AGAP1: variants seen among roughly 807,000 people sequenced by gnomAD.
The protein encoded by AGAP1 is ArfGAP with GTPase domain, ankyrin repeat and PH domain 1, also known as arf-GAP with GTPase, ANK repeat and PH domain-containing protein 1.
AGAP1 carries 29 observed loss-of-function variants against 105.3 expected under a neutral mutation model. That is an observed-to-expected ratio of 0.28 (90% CI 0.21 to 0.38). The LOEUF (loss-of-function observed/expected upper bound fraction) is 0.38, where lower values mean the gene tolerates loss of function less well. AGAP1 is among the 10% of genes least tolerant of loss of function. The pLI, the probability that AGAP1 is intolerant of heterozygous loss-of-function variation, is 1.00. For missense variants in AGAP1, 998 were observed against 1,165.1 expected, an observed-to-expected ratio of 0.86 and a Z score of 2.09; for synonymous variants, 509 against 485.9, an observed-to-expected ratio of 1.05 and a Z score of -0.63.
intron 1 of AGAP1, among the ~76,000 whole-genome samples, chr2:235,607,340 G>A (rs1244484966): frequency 6.6e-6 from 1 of 152,212 alleles, no homozygotes; most frequent in East Asian, 1.9e-4. Flanking sequence ...CAATGTACTT[G>A]GATCAAACTT....
Position 235,728,764 on chromosome 2 carries a change from T to C in AGAP1, c.310+11120T>C, listed in dbSNP as rs559587219. ...TCTTTGAAGGCCAAATACATTGAAA[T>C]GAAAGCGTGCCTAGTGGAGCAAGAG... On this transcript the variant is annotated intron_variant, in intron 3 of 17. Coordinates refer to ENST00000304032, the MANE Select transcript of AGAP1 (RefSeq NM_001037131.3). The surrounding 1 kb of genome is among the most constrained non-coding windows in gnomAD (Gnocchi z 4.3). Among the ~76,000 whole-genome samples, 24 of 151,934 alleles carry C rather than the reference T, an allele frequency of 1.6e-4. No individual in the cohort carries two copies. The highest frequency in any genetic ancestry group is 2.8e-4 in the Non-Finnish European group (19 of 67,996).
intron 8 of AGAP1, among the ~76,000 whole-genome samples, chr2:235,805,283 G>C (rs1359137915): frequency 6.6e-6 from 1 of 152,130 alleles, no homozygotes; most frequent in African/African-American, 2.4e-5. Context: ...GAGTTTGGTG[G>C]TTCACAGTTC....
chr2:235,881,296 G>A (rs1267781657), intron 9 of AGAP1, among the ~76,000 whole-genome samples: 1 of 152,164 alleles, frequency 6.6e-6, no homozygotes, highest in Non-Finnish European at 1.5e-5. Context: ...AAAGATAGCA[G>A]AATTTAGGAG....
intron 1 of AGAP1, among the ~76,000 whole-genome samples, chr2:235,583,305 T>C (rs1403577156): frequency 6.6e-6 from 1 of 150,532 alleles, no homozygotes; most frequent in African/African-American, 2.5e-5. Flanking sequence ...AATGATCCTC[T>C]TACTCAGCCT....
chr2:235,844,206 C>T (rs954366096), intron 9 of AGAP1, among the ~76,000 whole-genome samples: 2 of 152,232 alleles, frequency 1.3e-5, no homozygotes, highest in African/African-American at 4.8e-5. Context: ...CATCTCCACT[C>T]CCTGTCCATC....
chr2:235,852,773 G>GGCAA (rs2106460748), intron 9 of AGAP1: 1 of 1,538,334 alleles, frequency 6.5e-7, no homozygotes, highest in Non-Finnish European at 8.8e-7. Flanking sequence ...CCCCTGGCCA[G>GGCAA]GGCCGAGGGG....
intron 10 of AGAP1, among the ~76,000 whole-genome samples, chr2:235,897,271 C>G (rs542401018): frequency 1.3e-5 from 2 of 152,206 alleles, no homozygotes; most frequent in Admixed American, 1.3e-4. Flanking sequence ...AATTCCTGAC[C>G]TCAACTGATC....
At chr2:235,943,782 A>G (rs187227665) in intron 12 of AGAP1, among the ~76,000 whole-genome samples, 47 of 152,302 alleles carry the variant, frequency 3.1e-4, no homozygotes, top group East Asian at 2.7e-3. Context: ...ACAGCCAGAG[A>G]TGGGTGACAG....
chr2:236,103,908 C>T (rs1325221232), intron 16 of AGAP1, among the ~76,000 whole-genome samples: 1 of 152,220 alleles, frequency 6.6e-6, no homozygotes. Flanking sequence ...CTGTCTGGCT[C>T]CTGTCCCCAC....
In AGAP1 at chr2:235,549,515, A is replaced by G. The variant is rs113941673; in HGVS notation, c.163+54666A>G. On this transcript the variant is annotated intron_variant, in intron 1 of 17. Coordinates refer to ENST00000304032, the MANE Select transcript of AGAP1 (RefSeq NM_001037131.3). This position sits in a 1 kb window ranked among gnomAD's most constrained non-coding sequence, Gnocchi z 4.2. ...GCCTTTAGCCCAGCCTTGCTGTTCT[A>G]GATGGTGTTGGCAGCCTTTTTCACG... Among the ~76,000 whole-genome samples the G allele has an allele frequency of 3.9e-4, 59 of 152,266 alleles. 1 individual carries two copies. Among genetic ancestry groups the G allele is most frequent in the African/African-American group, 1.3e-3 (54 of 41,542 alleles).
In AGAP1 at chr2:235,808,475, G is replaced by A. The variant is rs541968378; in HGVS notation, c.1050+1144G>A. ...TAGAGAGGGGCCAGCCAGTGTCAGCGTGAAGATGTGGGAGAGGAAGGGGTT... is the reference window on the plus strand; with the variant it reads ...TAGAGAGGGGCCAGCCAGTGTCAGCATGAAGATGTGGGAGAGGAAGGGGTT... On this transcript the variant is annotated intron_variant, in intron 9 of 17. Transcript: ENST00000304032. Among the ~76,000 whole-genome samples the A allele has an allele frequency of 4.6e-5, 7 of 152,302 alleles. No individual in the cohort carries two copies. The South Asian group carries it at 8.3e-4, about 18-fold the overall frequency.
intron 13 of AGAP1, among the ~76,000 whole-genome samples, chr2:236,022,008 G>T (rs1205320553): frequency 7.0e-6 from 1 of 143,526 alleles, no homozygotes; most frequent in Non-Finnish European, 1.5e-5. Flanking sequence ...GCAGTGAGCC[G>T]AGATGAAGCC....
At chr2:235,762,606 A>T (rs1342716193) in intron 6 of AGAP1, among the ~76,000 whole-genome samples, 3 of 152,106 alleles carry the variant, frequency 2.0e-5, no homozygotes, top group African/African-American at 7.2e-5. Flanking sequence ...GGTGGCTCAC[A>T]CCTGTAATCC....
At position 235,566,914 on chromosome 2, in the gene AGAP1, A is replaced by C. The variant is rs1944363973; in HGVS notation, c.163+72065A>C. On this transcript the variant is annotated intron_variant, in intron 1 of 17. Coordinates refer to ENST00000304032, the MANE Select transcript of AGAP1 (RefSeq NM_001037131.3). This position sits in a 1 kb window ranked among gnomAD's most constrained non-coding sequence, Gnocchi z 5.2. ...TGCTCCCTCCAGAGGATAGAGCAGG[A>C]TTCCTCCTAGCCTTTTCCGGCCTCT... Among the ~76,000 whole-genome samples, 1 of 152,190 alleles carries C rather than the reference A, an allele frequency of 6.6e-6. No homozygotes were observed.
rs2056466448 is a variant in AGAP1, at chr2:236,010,286, C to CT, written c.1646-26274dup. ...TTAACGCTAAATGATTCCAGCTACT[C>CT]TAACTTAGTAGAAAGACGTAGTAAG... On this transcript the variant is annotated intron_variant, in intron 13 of 17. Transcript: ENST00000304032. 2.0e-5 allele frequency among the ~76,000 whole-genome samples: 3 copies of CT among 152,172 alleles called. No homozygotes were observed. The East Asian group carries it at 5.8e-4, about 29-fold the overall frequency.
intron 6 of AGAP1, among the ~76,000 whole-genome samples, chr2:235,756,868 A>G (rs1273132911): frequency 8.0e-6 from 1 of 124,414 alleles, no homozygotes; most frequent in African/African-American, 3.0e-5. Context: ...CCCATCCCCC[A>G]CCTGCCCCCC....
chr2:235,668,490 A>G (rs766505875), intron 1 of AGAP1, among the ~76,000 whole-genome samples: 4 of 152,234 alleles, frequency 2.6e-5, no homozygotes, highest in Non-Finnish European at 5.9e-5. Flanking sequence ...AACAGCCTGT[A>G]GCAAGCTGTG....
intron 1 of AGAP1, among the ~76,000 whole-genome samples, chr2:235,542,132 G>A (rs1943463416): frequency 6.6e-6 from 1 of 152,120 alleles, no homozygotes; most frequent in South Asian, 2.1e-4. Flanking sequence ...AACTGTTTGT[G>A]TGCTTTGTAT....
intron 13 of AGAP1, among the ~76,000 whole-genome samples, chr2:235,974,504 G>A (rs1174330277): frequency 6.6e-6 from 1 of 152,246 alleles, no homozygotes; most frequent in Admixed American, 6.5e-5. Flanking sequence ...TGTTCTGAAG[G>A]TCTCAGAAGG....
Sources: allele counts gnomAD v4.1 joint callset (sites outside exome capture counted in the v4.1 genomes callset), GRCh38; gene constraint gnomAD v4.1.1; non-coding constraint Gnocchi (gnomAD v3.1); transcripts MANE v1.5; gene names NCBI Gene and HGNC (gene_info 2026-07-23, HGNC 2026-07-21).